PTPRN2: variants seen among roughly 807,000 people sequenced by gnomAD.
PTPRN2 encodes the protein protein tyrosine phosphatase receptor type N2.
In PTPRN2, 74 loss-of-function variants were observed where a neutral mutation model predicts 118.8. The observed-to-expected ratio is 0.62, with a 90% CI of 0.52 to 0.76. The LOEUF (loss-of-function observed/expected upper bound fraction) is 0.76, where lower values mean the gene tolerates loss of function less well. Among genes scored for constraint, PTPRN2 ranks in the 30% least tolerant of loss-of-function variants. PTPRN2 has a pLI of 0.00. For missense variants in PTPRN2, 1,481 were observed against 1,394.4 expected (o/e 1.06, Z -0.99); for synonymous variants, 641 against 608.0 (o/e 1.05, Z -0.80).
At chr7:157,928,138 A>T (rs1479548191) in intron 11 of PTPRN2, among the ~76,000 whole-genome samples, 1 of 152,142 alleles carries the variant, frequency 6.6e-6, no homozygotes, top group Non-Finnish European at 1.5e-5. Flanking sequence ...TCTCACCACA[A>T]TCCAGAAGGA....
chr7:158,409,783 G>A (rs1338587178), intron 2 of PTPRN2, among the ~76,000 whole-genome samples: 2 of 152,138 alleles, frequency 1.3e-5, no homozygotes, highest in African/African-American at 4.8e-5. Context: ...AGAGCATGCC[G>A]ACATTCAGAA....
In PTPRN2 at chr7:157,629,134, G is replaced by A. The variant is rs906326553; in HGVS notation, c.2197-7625C>T. 6.6e-6 allele frequency among the ~76,000 whole-genome samples: 1 copy of A among 152,106 alleles called. No homozygotes were observed. Among genetic ancestry groups the A allele is most frequent in the African/African-American group, 2.4e-5 (1 of 41,406 alleles). On this transcript the variant is annotated intron_variant, in intron 14 of 22. Coordinates refer to ENST00000389418, the MANE Select transcript of PTPRN2 (RefSeq NM_002847.5). The surrounding 1 kb of genome is among the most constrained non-coding windows in gnomAD (Gnocchi z 4.4). ...CTCTGAGTACTGGGGTAGTGCATCT[G>A]GAGACTTGTAAAGGGTCCAGATGTG...
At chr7:158,502,925 T>C (rs944706161) in intron 1 of PTPRN2, among the ~76,000 whole-genome samples, 8 of 143,588 alleles carry the variant, frequency 5.6e-5, no homozygotes, top group Admixed American at 2.1e-4. Context: ...GTCCATCAAC[T>C]ACTGTGTCCA....
At chr7:158,185,842 A>T (rs1825087147) in intron 5 of PTPRN2, among the ~76,000 whole-genome samples, 1 of 152,172 alleles carries the variant, frequency 6.6e-6, no homozygotes, top group Non-Finnish European at 1.5e-5. Context: ...TCCAAGTGTC[A>T]GTTTGTGAGT....
At chr7:157,743,615 AAGCCATGGCTGGGATAGCTATCTCCG>A (rs2150966418) in intron 12 of PTPRN2, among the ~76,000 whole-genome samples, 1 of 152,018 alleles carries the variant, frequency 6.6e-6, no homozygotes, top group East Asian at 1.9e-4. Flanking sequence ...GGCTCCTGGC[AAGCCATGGCTGGGATAGCTATCTCCG>A]GGTTGGCTGA....
chr7:158,382,451 G>A (rs1811035630), intron 2 of PTPRN2, among the ~76,000 whole-genome samples: 1 of 152,206 alleles, frequency 6.6e-6, no homozygotes, highest in South Asian at 2.1e-4. Flanking sequence ...AAGTCGCCAT[G>A]AAGGAAAGAA....
intron 13 of PTPRN2, among the ~76,000 whole-genome samples, chr7:157,664,300 A>G (rs1342758410): frequency 1.3e-5 from 2 of 152,262 alleles, no homozygotes; most frequent in Non-Finnish European, 2.9e-5. Flanking sequence ...ATCAGCTGCC[A>G]TCACACCAGA....
At chr7:158,331,790 A>T (rs1338513852) in intron 2 of PTPRN2, among the ~76,000 whole-genome samples, 1 of 151,078 alleles carries the variant, frequency 6.6e-6, no homozygotes, top group Non-Finnish European at 1.5e-5. Context: ...TCACGCACAG[A>T]CATCACTCAC....
intron 13 of PTPRN2, among the ~76,000 whole-genome samples, chr7:157,659,572 G>A (rs1795793196): frequency 6.6e-6 from 1 of 151,702 alleles, no homozygotes; most frequent in African/African-American, 2.4e-5. Context: ...CTAAGAAAAG[G>A]GAGAGTTCCA....
chr7:158,547,198 T>A (rs767039066), intron 1 of PTPRN2, among the ~76,000 whole-genome samples: 2 of 152,176 alleles, frequency 1.3e-5, no homozygotes, highest in Non-Finnish European at 2.9e-5. Flanking sequence ...ATTTACTATC[T>A]TATCAGTTTT....
intron 12 of PTPRN2, among the ~76,000 whole-genome samples, chr7:157,689,067 C>T (rs1585241961): frequency 6.6e-6 from 1 of 152,166 alleles, no homozygotes; most frequent in Non-Finnish European, 1.5e-5. Context: ...CCGTGAATCC[C>T]GGCGCTCGCA....
At chr7:157,597,911 T>TC (rs1801441220) in intron 16 of PTPRN2, among the ~76,000 whole-genome samples, 1 of 152,228 alleles carries the variant, frequency 6.6e-6, no homozygotes, top group Non-Finnish European at 1.5e-5. Flanking sequence ...TTACATTCAT[T>TC]TAATTCCAGG....
intron 2 of PTPRN2, among the ~76,000 whole-genome samples, chr7:158,413,168 G>A (rs1207690111): frequency 1.3e-5 from 2 of 152,092 alleles, no homozygotes; most frequent in Non-Finnish European, 2.9e-5. Flanking sequence ...CTTCCCTCTC[G>A]CCACTGAGCA....
chr7:158,175,943 C>G (rs1040671468), intron 5 of PTPRN2, among the ~76,000 whole-genome samples: 1 of 152,140 alleles, frequency 6.6e-6, no homozygotes, highest in South Asian at 2.1e-4. Context: ...CTCGCGACAC[C>G]GTGAGGCCAG....
At chr7:157,565,276 G>A (rs752800482) in intron 21 of PTPRN2, among the ~76,000 whole-genome samples, 2 of 152,210 alleles carry the variant, frequency 1.3e-5, no homozygotes, top group Non-Finnish European at 2.9e-5. Context: ...ACTTAGGAAC[G>A]TACTCCTAGC....
At chr7:158,396,936 A>G (rs1812561764) in intron 2 of PTPRN2, among the ~76,000 whole-genome samples, 1 of 152,202 alleles carries the variant, frequency 6.6e-6, no homozygotes, top group African/African-American at 2.4e-5. Context: ...TTGTGACATG[A>G]TGGTACAATG....
intron 11 of PTPRN2, among the ~76,000 whole-genome samples, chr7:157,938,485 G>T (rs895827402): frequency 6.6e-6 from 1 of 152,182 alleles, no homozygotes; most frequent in Admixed American, 6.5e-5. Context: ...GCCATGCCAC[G>T]TGCAGACCAC....
At chr7:158,355,358 CTG>C (rs1195815226) in intron 2 of PTPRN2, among the ~76,000 whole-genome samples, 1 of 152,218 alleles carries the variant, frequency 6.6e-6, no homozygotes, top group Non-Finnish European at 1.5e-5. Context: ...ATCAAATGTT[CTG>C]TGTTTGCATG....
At chr7:158,284,300 C>T (rs553760008) in intron 3 of PTPRN2, among the ~76,000 whole-genome samples, 2 of 151,828 alleles carry the variant, frequency 1.3e-5, no homozygotes, top group East Asian at 3.9e-4. Flanking sequence ...CAGCCAGGCA[C>T]TGGGCACTGT....
Sources: gnomAD v4.1 joint callset for allele counts (sites outside exome capture counted in the v4.1 genomes callset) on GRCh38, gnomAD v4.1.1 for gene constraint, Gnocchi (gnomAD v3.1) non-coding constraint, MANE v1.5 for transcripts, NCBI Gene and HGNC (gene_info 2026-07-23, HGNC 2026-07-21) for gene names.